Variants in ZNF710 observed in about 807,000 individuals in gnomAD.
The protein encoded by ZNF710 is zinc finger protein 710.
Under a neutral mutation model 50.6 loss-of-function variants are expected in ZNF710, and 13 were observed. The ratio of observed to expected loss-of-function variants is 0.26; its 90% confidence interval spans 0.17 to 0.41. The LOEUF (loss-of-function observed/expected upper bound fraction) is 0.41. Among genes scored for constraint, ZNF710 ranks in the 10% least tolerant of loss-of-function variants. The pLI, the probability that ZNF710 is intolerant of heterozygous loss-of-function variation, is 1.00. For missense variants in ZNF710, 721 were observed against 936.6 expected, an observed-to-expected ratio of 0.77 and a Z score of 3.01; for synonymous variants, 383 against 397.0, an observed-to-expected ratio of 0.96 and a Z score of 0.42.
chr15:90,002,577 ACGGG>A, intron 1 of ZNF710: 2 of 152,436 alleles, frequency 1.3e-5, no homozygotes, highest in East Asian at 3.9e-4. Context: ...TCGGGGACCG[ACGGG>A]GCAGCCCCAG....
intron 2 of ZNF710, among the ~76,000 whole-genome samples, chr15:90,072,801 G>A (rs1318646852): frequency 6.6e-6 from 1 of 152,202 alleles, no homozygotes; most frequent in Admixed American, 6.5e-5. Context: ...CACCCTGGGG[G>A]CAGGAGACAG....
chr15:90,009,987 G>C (rs1159751722), intron 1 of ZNF710, among the ~76,000 whole-genome samples: 1 of 152,090 alleles, frequency 6.6e-6, no homozygotes, highest in Non-Finnish European at 1.5e-5. Flanking sequence ...GTCATGAATA[G>C]TCTTCTCCAC....
At position 90,002,132 on chromosome 15, in the gene ZNF710, G is replaced by T. The variant is rs866538950; in HGVS notation, c.-29+518G>T. On this transcript the variant is annotated intron_variant, in intron 1 of 4. Transcript: ENST00000268154. Reference sequence around the variant, plus strand: ...TGCGCTCCCCCCACACCCGGCCCGGGACTCAAAGTTTCACCCCCTCGCCGC... The same window carrying T: ...TGCGCTCCCCCCACACCCGGCCCGGTACTCAAAGTTTCACCCCCTCGCCGC... Among the ~76,000 whole-genome samples the T allele has an allele frequency of 2.9e-3, 443 of 151,522 alleles. 2 individuals are homozygous for T. The highest frequency in any genetic ancestry group is 9.2e-3 in the African/African-American group (380 of 41,368).
At chr15:90,064,620 T>G (rs1467914344) in intron 1 of ZNF710, among the ~76,000 whole-genome samples, 2 of 152,192 alleles carry the variant, frequency 1.3e-5, no homozygotes, top group South Asian at 2.1e-4. Flanking sequence ...CCCAAGCAGC[T>G]GGGATTACAG....
intron 1 of ZNF710, among the ~76,000 whole-genome samples, chr15:90,020,984 G>A (rs941508105): frequency 6.7e-6 from 1 of 149,338 alleles, no homozygotes; most frequent in African/African-American, 2.5e-5. Context: ...GGGCAACTTT[G>A]GAGTCCTGTG....
At chr15:90,005,333 G>T (rs1898112708) in intron 1 of ZNF710, among the ~76,000 whole-genome samples, 1 of 152,220 alleles carries the variant, frequency 6.6e-6, no homozygotes. Context: ...TGTGCTGTGA[G>T]TCATTGCTTC....
rs1301722766 is a variant in ZNF710 at position 90,074,184 on chromosome 15, G to A, written c.1719G>A (p.Lys573=). ...LGHMHLHAGS[K]PFKCPYCSSK... is the part of the protein sequence containing the mutation. ...ACATGCACCTGCACGCCGGCAGCAAGCCCTTCAAGTGCCCCTACTGCTCCA... is the reference window on the plus strand; with the variant it reads ...ACATGCACCTGCACGCCGGCAGCAAACCCTTCAAGTGCCCCTACTGCTCCA... The change falls in exon 4 of 5, where the codon AAG becomes AAA. Residue 573 remains lysine, a synonymous_variant. Transcript: ENST00000268154. The A allele has an allele frequency of 6.8e-6, 11 of 1,613,060 alleles. No homozygotes were observed. Among genetic ancestry groups the A allele is most frequent in the Non-Finnish European group, 8.5e-6 (10 of 1,179,716 alleles).
intron 1 of ZNF710, among the ~76,000 whole-genome samples, chr15:90,058,701 T>TATATA (rs1567236919): frequency 7.0e-6 from 1 of 143,546 alleles, no homozygotes; most frequent in African/African-American, 2.7e-5. Context: ...CACTATATAT[T>TATATA]TATATATATA....
At chr15:90,016,050 A>C (rs1898447617) in intron 1 of ZNF710, among the ~76,000 whole-genome samples, 1 of 152,222 alleles carries the variant, frequency 6.6e-6, no homozygotes, top group South Asian at 2.1e-4. Flanking sequence ...AAGGATATCT[A>C]GGAGGCTGGT....
rs2151526523 is a variant in ZNF710, at chr15:90,067,045, T to G, written c.-28-65T>G. 6.7e-7 allele frequency: 1 copy of G among 1,490,656 alleles called. No individual in the cohort carries two copies. The highest frequency in any genetic ancestry group is 8.9e-7 in the Non-Finnish European group (1 of 1,120,336). 92.3% of individuals were successfully genotyped at this position (1,490,656 alleles called of 1,614,324 possible). A position where few individuals can be genotyped will look rare whatever the true frequency, so the allele number is the denominator to read the frequency against. ...AAATCAGCCAAGCCCTTGTCTGTGC[T>G]GTGTCTGTTGTCTGTCTGTGCAGGA... On this transcript the variant is annotated intron_variant, in intron 1 of 4. Transcript: ENST00000268154. This position sits in a 1 kb window ranked among gnomAD's most constrained non-coding sequence, Gnocchi z 8.1.
intron 1 of ZNF710, among the ~76,000 whole-genome samples, chr15:90,031,927 C>A (rs550757923): frequency 6.6e-6 from 1 of 152,312 alleles, no homozygotes; most frequent in Admixed American, 6.5e-5. Context: ...GGGCTAGTAT[C>A]GACTAAAGCC....
In ZNF710 at chr15:90,068,515, G is replaced by A. The variant is rs1021257964; in HGVS notation, c.1378G>A (p.Val460Met). ...LQNHMLKHQN[V>M]RPFVCTECGM... is the part of the protein sequence containing the mutation. ...GAACCACATGCTCAAGCACCAGAAC[G>A]TGCGACCCTTCGTGTGCACTGAATG... Residue 460 changes from valine (V) to methionine (M), a missense_variant, in exon 2 of 5, where the codon GTG (valine) becomes ATG (methionine). This residue lies in a region of ZNF710 where 326 missense variants were observed against 522.0 expected (regional missense o/e 0.62). Transcript: ENST00000268154. This position sits in a 1 kb window ranked among gnomAD's most constrained non-coding sequence, Gnocchi z 5.0. 21 of 1,613,288 alleles carry A rather than the reference G, an allele frequency of 1.3e-5. No individual in the cohort carries two copies. Among genetic ancestry groups the A allele is most frequent in the East Asian group, 2.2e-5 (1 of 44,888 alleles).
chr15:90,058,174 G>T (rs572835111), intron 1 of ZNF710, among the ~76,000 whole-genome samples: 149 of 152,296 alleles, frequency 9.8e-4, no homozygotes, highest in African/African-American at 3.4e-3. Context: ...CTGGGAGGGC[G>T]TCAGGTGAGA....
intron 1 of ZNF710, among the ~76,000 whole-genome samples, chr15:90,016,835 C>T (rs1016809774): frequency 2.0e-5 from 3 of 152,256 alleles, no homozygotes; most frequent in Non-Finnish European, 4.4e-5. Context: ...CCTGCCTCTG[C>T]AGCTGGCTTG....
chr15:90,054,766 T>G (rs797019424), intron 1 of ZNF710, among the ~76,000 whole-genome samples: 1 of 152,238 alleles, frequency 6.6e-6, no homozygotes, highest in Non-Finnish European at 1.5e-5. Flanking sequence ...GGGTCCAGGA[T>G]AGTGTACTTG....
intron 1 of ZNF710, among the ~76,000 whole-genome samples, chr15:90,060,739 C>T (rs1293003409): frequency 2.0e-5 from 3 of 151,952 alleles, no homozygotes; most frequent in Admixed American, 2.0e-4. Flanking sequence ...GCCTGTAATC[C>T]CAGCTACTTT....
At chr15:90,012,802 C>T (rs1050542122) in intron 1 of ZNF710, among the ~76,000 whole-genome samples, 6 of 152,044 alleles carry the variant, frequency 3.9e-5, no homozygotes, top group African/African-American at 1.2e-4. Context: ...TTTTGATGCT[C>T]ATCCATTGAG....
chr15:90,079,688 C>T lies in ZNF710; in HGVS notation c.1854C>T (p.Asp618=). 6.2e-7 allele frequency: 1 copy of T among 1,613,944 alleles called. No homozygotes were observed. Among genetic ancestry groups the T allele is most frequent in the South Asian group, 1.1e-5 (1 of 91,046 alleles). The change falls in exon 5 of 5, where the codon GAC becomes GAT. Residue 618 remains aspartate (D), a synonymous_variant. Coordinates refer to ENST00000268154, the MANE Select transcript of ZNF710 (RefSeq NM_198526.4). The part of the protein sequence containing the change: ...QDPMMELTGT[D]PSELDGQQEM... ...CCATGATGGAGCTGACAGGCACTGA[C>T]CCTTCAGAGCTCGACGGCCAGCAGG...
chr15:90,027,237 G>T (rs1413537545), intron 1 of ZNF710, among the ~76,000 whole-genome samples: 2 of 151,692 alleles, frequency 1.3e-5, no homozygotes, highest in Non-Finnish European at 1.5e-5. Flanking sequence ...TGGAGACAGA[G>T]TCTTGCTCTG....
Sources: allele counts gnomAD v4.1 joint callset (sites outside exome capture counted in the v4.1 genomes callset), GRCh38; gene constraint gnomAD v4.1.1; regional missense constraint gnomAD v4.1.1; non-coding constraint Gnocchi (gnomAD v3.1); transcripts MANE v1.5; gene names NCBI Gene and HGNC (gene_info 2026-07-23, HGNC 2026-07-21).